ROBO2: variants seen among roughly 807,000 people sequenced by gnomAD.
ROBO2 encodes the protein roundabout guidance receptor 2, also known as roundabout homolog 2.
In ROBO2, 53 loss-of-function variants were observed where a neutral mutation model predicts 160.8. That is an observed-to-expected ratio of 0.33 (90% confidence interval 0.26 to 0.41). The LOEUF (loss-of-function observed/expected upper bound fraction) is 0.41, where lower values mean the gene tolerates loss of function less well. ROBO2 is among the 10% of genes least tolerant of loss of function. The pLI is 1.00. For missense variants in ROBO2, 1,577 were observed against 1,722.4 expected (o/e 0.92, Z 1.49); for synonymous variants, 664 against 611.7 (o/e 1.09, Z -1.26).
At chr3:76,276,996 AC>A (rs1202960829) in intron 2 of ROBO2, among the ~76,000 whole-genome samples, 1 of 152,078 alleles carries the variant, frequency 6.6e-6, no homozygotes, top group Non-Finnish European at 1.5e-5. Flanking sequence ...CCTGAATTTA[AC>A]TTTATACAAT....
At chr3:76,347,291 G>A (rs781669180) in intron 2 of ROBO2, among the ~76,000 whole-genome samples, 101 of 152,094 alleles carry the variant, frequency 6.6e-4, no homozygotes, top group Non-Finnish European at 1.2e-3. Context: ...AGAACAAACA[G>A]CCAAAAAACT....
chr3:75,944,859 C>A (rs1418197464), intron 2 of ROBO2, among the ~76,000 whole-genome samples: 1 of 152,140 alleles, frequency 6.6e-6, no homozygotes, highest in South Asian at 2.1e-4. Flanking sequence ...AGATCTTCCT[C>A]TCTTTTCTCC....
chr3:76,924,469 G>A (rs1206853287), intron 2 of ROBO2, among the ~76,000 whole-genome samples: 2 of 152,190 alleles, frequency 1.3e-5, no homozygotes, highest in Non-Finnish European at 2.9e-5. Flanking sequence ...CCAGTGCCTT[G>A]ATCTTGGGCT....
intron 2 of ROBO2, among the ~76,000 whole-genome samples, chr3:76,685,133 G>A (rs1451317273): frequency 6.6e-6 from 1 of 150,408 alleles, no homozygotes; most frequent in Non-Finnish European, 1.5e-5. Context: ...TGAAATCATA[G>A]ACCACCCAGC....
intron 2 of ROBO2, among the ~76,000 whole-genome samples, chr3:76,821,112 C>T (rs2066084033): frequency 6.6e-6 from 1 of 151,928 alleles, no homozygotes; most frequent in Non-Finnish European, 1.5e-5. Context: ...AAATAATCTT[C>T]TGCGTATTGT....
At chr3:77,472,889 C>T (rs1459110264) in intron 2 of ROBO2, among the ~76,000 whole-genome samples, 1 of 152,022 alleles carries the variant, frequency 6.6e-6, no homozygotes, top group Non-Finnish European at 1.5e-5. Flanking sequence ...GGCTCAGAAA[C>T]TGATACCCTG....
chr3:76,912,975 T>C (rs147246759), intron 2 of ROBO2, among the ~76,000 whole-genome samples: 1 of 152,110 alleles, frequency 6.6e-6, no homozygotes, highest in Non-Finnish European at 1.5e-5. Context: ...ATAGGTCTTA[T>C]ACGTCCAAAG....
At chr3:76,669,812 G>T (rs991452080) in intron 2 of ROBO2, among the ~76,000 whole-genome samples, 1 of 152,074 alleles carries the variant, frequency 6.6e-6, no homozygotes, top group Admixed American at 6.6e-5. Flanking sequence ...TTAAAACTTT[G>T]TTTCCATCAA....
intron 2 of ROBO2, among the ~76,000 whole-genome samples, chr3:76,020,728 C>A (rs1484028742): frequency 2.0e-5 from 3 of 151,736 alleles, no homozygotes; most frequent in Non-Finnish European, 4.4e-5. Context: ...TACATGCTTT[C>A]CATGTTCTTC....
chr3:76,743,403 A>C (rs2093834122), intron 2 of ROBO2, among the ~76,000 whole-genome samples: 1 of 152,146 alleles, frequency 6.6e-6, no homozygotes, highest in South Asian at 2.1e-4. Context: ...AAACCTCAGC[A>C]TGGCTCAATA....
chr3:76,853,577 G>A (rs2069659640), intron 2 of ROBO2, among the ~76,000 whole-genome samples: 1 of 151,984 alleles, frequency 6.6e-6, no homozygotes, highest in African/African-American at 2.4e-5. Context: ...TGCACTTTTG[G>A]GTGGAGATAA....
intron 2 of ROBO2, among the ~76,000 whole-genome samples, chr3:77,224,205 T>G (rs2151222458): frequency 6.6e-6 from 1 of 152,152 alleles, no homozygotes; most frequent in Admixed American, 6.5e-5. Flanking sequence ...GCTTCTTCAC[T>G]AGAGGAAAGT....
chr3:76,104,601 T>C (rs1199662135), intron 2 of ROBO2, among the ~76,000 whole-genome samples: 1 of 152,192 alleles, frequency 6.6e-6, no homozygotes, highest in Non-Finnish European at 1.5e-5. Flanking sequence ...TCTTTCATGC[T>C]TAAAATAATC....
In ROBO2 at chr3:77,316,768, A is replaced by G. The variant is rs2064036318; in HGVS notation, c.389-160646A>G. The G allele has an allele frequency of 2.5e-6, 3 of 1,212,084 alleles. No homozygotes were observed. The East Asian group carries it at 7.0e-5, about 28-fold the overall frequency. 75.1% of individuals were successfully genotyped at this position (1,212,084 alleles called of 1,614,324 possible). On this transcript the variant is annotated intron_variant, in intron 2 of 25. Transcript: ENST00000461745. ...GGTATTCATTCATGCTTGAAATTTC[A>G]GTCCTAGACCAAGCTTGTGGCCACC... is the stretch of plus-strand genomic sequence containing the variant.
chr3:76,115,567 A>G (rs1576920131), intron 2 of ROBO2, among the ~76,000 whole-genome samples: 1 of 152,138 alleles, frequency 6.6e-6, no homozygotes, highest in African/African-American at 2.4e-5. Flanking sequence ...TATGATTATT[A>G]TGAGATACAA....
At chr3:77,389,602 A>G (rs148538252) in intron 2 of ROBO2, among the ~76,000 whole-genome samples, 5 of 152,046 alleles carry the variant, frequency 3.3e-5, no homozygotes, top group African/African-American at 1.2e-4. Flanking sequence ...TATATTTCTT[A>G]CATTTATATT....
intron 2 of ROBO2, among the ~76,000 whole-genome samples, chr3:76,790,763 A>C (rs1182227467): frequency 6.6e-6 from 1 of 151,756 alleles, no homozygotes; most frequent in Non-Finnish European, 1.5e-5. Context: ...TTTATTACTA[A>C]ATTGGAGCTA....
chr3:77,373,534 T>C (rs2072128784), intron 2 of ROBO2, among the ~76,000 whole-genome samples: 1 of 152,024 alleles, frequency 6.6e-6, no homozygotes. Flanking sequence ...CTTCCTAGAG[T>C]ATAAAGAAAT....
intron 2 of ROBO2, among the ~76,000 whole-genome samples, chr3:76,300,063 C>A (rs1576315084): frequency 6.6e-6 from 1 of 152,032 alleles, no homozygotes; most frequent in East Asian, 1.9e-4. Flanking sequence ...CTTTCTAGGT[C>A]AAAAGTCCAG....
Sources: gnomAD v4.1 joint callset for allele counts (sites outside exome capture counted in the v4.1 genomes callset) on GRCh38, gnomAD v4.1.1 for gene constraint, MANE v1.5 for transcripts, NCBI Gene and HGNC (gene_info 2026-07-23, HGNC 2026-07-21) for gene names.